ZNF521: variants seen among roughly 807,000 people sequenced by gnomAD.
The protein encoded by ZNF521 is LYST-interacting protein 3.
A neutral mutation model predicts 105.5 loss-of-function variants in ZNF521; 14 were observed. The ratio of observed to expected loss-of-function variants is 0.13; its 90% CI spans 0.09 to 0.21. ZNF521 has a LOEUF of 0.21. Ranked by LOEUF, ZNF521 falls within the 10% of genes least tolerant of loss-of-function variation. The pLI, the probability that ZNF521 is intolerant of heterozygous loss-of-function variation, is 1.00. For missense variants in ZNF521, 1,233 were observed against 1,629.7 expected (o/e 0.76, Z 4.19); for synonymous variants, 635 against 606.0 (o/e 1.05, Z -0.70).
At chr18:25,256,646 G>A (rs1372885551) in intron 3 of ZNF521, among the ~76,000 whole-genome samples, 3 of 152,048 alleles carry the variant, frequency 2.0e-5, no homozygotes, top group African/African-American at 4.8e-5. Flanking sequence ...CAGGAGCGAA[G>A]TGCGGGGAAG....
chr18:25,314,469 T>C (rs1481567419), intron 3 of ZNF521, among the ~76,000 whole-genome samples: 1 of 152,212 alleles, frequency 6.6e-6, no homozygotes, highest in African/African-American at 2.4e-5. Context: ...TTCCAGGAAG[T>C]TTCATAAGAT....
chr18:25,123,355 A>G (rs558086758), intron 5 of ZNF521, among the ~76,000 whole-genome samples: 1 of 152,152 alleles, frequency 6.6e-6, no homozygotes, highest in Non-Finnish European at 1.5e-5. Context: ...AAACACAGAA[A>G]TGATAAAGAA....
intron 5 of ZNF521, among the ~76,000 whole-genome samples, chr18:25,116,946 CAT>C (rs1275791288): frequency 5.8e-5 from 8 of 138,950 alleles, no homozygotes; most frequent in African/African-American, 1.1e-4. Flanking sequence ...TATATATACA[CAT>C]ATATATGTAT....
intron 3 of ZNF521, among the ~76,000 whole-genome samples, chr18:25,316,428 C>G (rs1912621780): frequency 9.0e-6 from 1 of 111,338 alleles, no homozygotes; most frequent in East Asian, 2.5e-4. Context: ...CTTTGTCAGC[C>G]AGGGGTGGGG....
intron 5 of ZNF521, among the ~76,000 whole-genome samples, chr18:25,148,451 T>G (rs2034986710): frequency 6.6e-6 from 1 of 152,168 alleles, no homozygotes; most frequent in Non-Finnish European, 1.5e-5. Flanking sequence ...TTAAAAAAAT[T>G]AAAGTTTCTG....
At chr18:25,171,137 A>G (rs2035442218) in intron 5 of ZNF521, among the ~76,000 whole-genome samples, 1 of 152,144 alleles carries the variant, frequency 6.6e-6, no homozygotes, top group Non-Finnish European at 1.5e-5. Context: ...AATCTGATAA[A>G]TGAGCATTAT....
intron 5 of ZNF521, among the ~76,000 whole-genome samples, chr18:25,160,286 A>G (rs1443111660): frequency 6.6e-6 from 1 of 152,178 alleles, no homozygotes; most frequent in Non-Finnish European, 1.5e-5. Context: ...CACTCTGGGA[A>G]TTTTGCCTGT....
intron 5 of ZNF521, among the ~76,000 whole-genome samples, chr18:25,126,000 TTA>T (rs1600067676): frequency 6.6e-6 from 1 of 152,048 alleles, no homozygotes; most frequent in Non-Finnish European, 1.5e-5. Flanking sequence ...CTCATAAATG[TTA>T]TGTTTGCCTT....
Position 25,121,587 on chromosome 18 carries a change from A to G in ZNF521, c.3659-29506T>C, listed in dbSNP as rs189666174. 1.2e-3 allele frequency among the ~76,000 whole-genome samples: 175 copies of G among 152,140 alleles called. 1 individual carries two copies. Among genetic ancestry groups the G allele is most frequent in the African/African-American group, 4.0e-3 (166 of 41,472 alleles). ...AAAAAGTGTTAGATGACATGAAATA[A>G]CTGCATGTGGAAGTAGAAAGCACCC... On this transcript the variant is annotated intron_variant, in intron 5 of 7. Coordinates refer to ENST00000361524, the MANE Select transcript of ZNF521 (RefSeq NM_015461.3).
At chr18:25,299,666 T>C (rs1911520752) in intron 3 of ZNF521, among the ~76,000 whole-genome samples, 1 of 152,172 alleles carries the variant, frequency 6.6e-6, no homozygotes, top group African/African-American at 2.4e-5. Context: ...CCTGATGACA[T>C]CTGAGAGTAG....
chr18:25,147,893 A>G (rs541323131), intron 5 of ZNF521, among the ~76,000 whole-genome samples: 2 of 152,302 alleles, frequency 1.3e-5, no homozygotes, highest in African/African-American at 4.8e-5. Context: ...TACAAAAGGC[A>G]GCCGTACCCT....
At chr18:25,140,174 T>C (rs1445389097) in intron 5 of ZNF521, among the ~76,000 whole-genome samples, 1 of 152,146 alleles carries the variant, frequency 6.6e-6, no homozygotes, top group East Asian at 1.9e-4. Flanking sequence ...AAATCACAAA[T>C]CAGAAATTTC....
intron 5 of ZNF521, among the ~76,000 whole-genome samples, chr18:25,133,761 T>C (rs1041942032): frequency 1.4e-4 from 22 of 152,180 alleles, no homozygotes; most frequent in African/African-American, 4.6e-4. Context: ...CAGCTGCTGA[T>C]TGAACAATAG....
intron 5 of ZNF521, among the ~76,000 whole-genome samples, chr18:25,109,376 T>C (rs567151618): frequency 2.0e-5 from 3 of 152,358 alleles, no homozygotes; most frequent in African/African-American, 7.2e-5. Flanking sequence ...TTTAGGTTGA[T>C]TCCATTGCTT....
At chr18:25,304,322 C>T (rs1222164120) in intron 3 of ZNF521, among the ~76,000 whole-genome samples, 1 of 152,190 alleles carries the variant, frequency 6.6e-6, no homozygotes, top group Non-Finnish European at 1.5e-5. Context: ...CTAAAACTGT[C>T]ACAACCTAAC....
chr18:25,173,530 G>T (rs2035484208), intron 5 of ZNF521, among the ~76,000 whole-genome samples: 1 of 152,138 alleles, frequency 6.6e-6, no homozygotes, highest in Non-Finnish European at 1.5e-5. Context: ...TTCTCATTTT[G>T]GGGTGGAAGA....
intron 3 of ZNF521, among the ~76,000 whole-genome samples, chr18:25,274,731 T>C (rs79106663): frequency 2.4e-3 from 365 of 152,334 alleles, no homozygotes; most frequent in Non-Finnish European, 3.8e-3. Flanking sequence ...TGTACAATTC[T>C]TGGGGCATTC....
chr18:25,120,048 C>A (rs1433456909), intron 5 of ZNF521, among the ~76,000 whole-genome samples: 1 of 151,994 alleles, frequency 6.6e-6, no homozygotes, highest in African/African-American at 2.4e-5. Context: ...CAATTTTATG[C>A]CAACAAATTT....
rs563690822 is a variant in ZNF521 at position 25,064,042 on chromosome 18, C to G, written c.3907-1301G>C. On this transcript the variant is annotated intron_variant, in intron 7 of 7. Coordinates refer to ENST00000361524, the MANE Select transcript of ZNF521 (RefSeq NM_015461.3). ...GTTCATTCATTTATTCATTCATCTACAAGCATCTATTGAAAACGCACATCA... is the reference window on the plus strand; with the variant it reads ...GTTCATTCATTTATTCATTCATCTAGAAGCATCTATTGAAAACGCACATCA... 5.0e-4 allele frequency among the ~76,000 whole-genome samples: 76 copies of G among 152,356 alleles called. 1 individual carries two copies. In the South Asian group the frequency reaches 8.3e-3, roughly 17 times the overall value.
Sources: allele counts gnomAD v4.1 joint callset (sites outside exome capture counted in the v4.1 genomes callset), GRCh38; gene constraint gnomAD v4.1.1; transcripts MANE v1.5; gene names NCBI Gene and HGNC (gene_info 2026-07-23, HGNC 2026-07-21).